The following LPP variants were observed in gnomAD, a reference collection of about 807,000 sequenced individuals.
The protein encoded by LPP is LIM domain containing preferred translocation partner in lipoma.
LPP carries 38 observed loss-of-function variants against 60.4 expected under a neutral mutation model. The ratio of observed to expected loss-of-function variants is 0.63; its 90% CI spans 0.49 to 0.83. LPP has a LOEUF of 0.83. LPP is among the 40% of genes least tolerant of loss of function. The pLI, the probability that LPP is intolerant of heterozygous loss-of-function variation, is 0.00. For synonymous variants in LPP, 328 were observed against 290.8 expected, an observed-to-expected ratio of 1.13 and a Z score of -1.30; for missense variants, 902 against 783.6, an observed-to-expected ratio of 1.15 and a Z score of -1.80.
At chr3:188,324,061 C>T (rs1231606248) in intron 2 of LPP, among the ~76,000 whole-genome samples, 3 of 152,108 alleles carry the variant, frequency 2.0e-5, no homozygotes, top group Non-Finnish European at 4.4e-5. Context: ...TTATCTATAA[C>T]TACAATAATT....
chr3:188,577,828 CCTT>C (rs1264108230), intron 6 of LPP, among the ~76,000 whole-genome samples: 2 of 39,624 alleles, frequency 5.0e-5, no homozygotes, highest in Non-Finnish European at 1.1e-4. Flanking sequence ...CCCTCCCCTT[CCTT>C]CTTCTTTCTT....
intron 2 of LPP, among the ~76,000 whole-genome samples, chr3:188,225,920 G>A (rs1239500537): frequency 6.6e-6 from 1 of 152,194 alleles, no homozygotes; most frequent in Non-Finnish European, 1.5e-5. Context: ...ACAGTGTTTG[G>A]GCATTTACAA....
intron 7 of LPP, among the ~76,000 whole-genome samples, chr3:188,624,769 C>CTT (rs10662277): frequency 0.057 from 5,895 of 103,562 alleles, 194 homozygotes; most frequent in East Asian, 0.19. Flanking sequence ...TCTCCTTCTC[C>CTT]TTCCTTCCTT....
chr3:188,566,186 C>G (rs768564701), intron 6 of LPP, among the ~76,000 whole-genome samples: 3 of 151,874 alleles, frequency 2.0e-5, no homozygotes, highest in Non-Finnish European at 4.4e-5. Flanking sequence ...TTCCCTTGCA[C>G]GATTACAAGA....
intron 4 of LPP, among the ~76,000 whole-genome samples, chr3:188,427,761 C>A (rs1386138595): frequency 6.6e-6 from 1 of 152,122 alleles, no homozygotes; most frequent in Non-Finnish European, 1.5e-5. Flanking sequence ...CGCCCCTCCC[C>A]CCACCAAGCT....
At position 188,874,231 on chromosome 3, in the gene LPP, G is replaced by A. The variant is rs192592770; in HGVS notation, c.1711-120G>A. On this transcript the variant is annotated intron_variant, in intron 11 of 11. Transcript: ENST00000617246. ...CAGGGGATTAGCAGAATGTAAAGCA[G>A]GAAGGATAGTAAGTGGCCACATTAT... 28 of 783,170 alleles carry A rather than the reference G, an allele frequency of 3.6e-5. No individual in the cohort carries two copies. The East Asian group carries it at 7.1e-4, about 20-fold the overall frequency. 48.5% of individuals were successfully genotyped at this position (783,170 alleles called of 1,614,324 possible).
At chr3:188,661,224 T>C (rs1854510903) in intron 7 of LPP, among the ~76,000 whole-genome samples, 1 of 152,228 alleles carries the variant, frequency 6.6e-6, no homozygotes, top group African/African-American at 2.4e-5. Flanking sequence ...CCACAGTTTA[T>C]TTATCCATTC....
intron 1 of LPP, chr3:188,180,528 T>TA (rs1430328120): frequency 5.8e-5 from 9 of 154,406 alleles, no homozygotes; most frequent in African/African-American, 2.2e-4. Flanking sequence ...AACCTGAACT[T>TA]ACTATGTGTG....
chr3:188,202,535 A>T (rs1304704916), intron 1 of LPP, among the ~76,000 whole-genome samples: 1 of 152,214 alleles, frequency 6.6e-6, no homozygotes, highest in Non-Finnish European at 1.5e-5. Context: ...TTGAGCTTTT[A>T]AAAAATTGCC....
intron 4 of LPP, among the ~76,000 whole-genome samples, chr3:188,466,484 ATCT>A (rs891467544): frequency 2.0e-5 from 3 of 151,956 alleles, no homozygotes; most frequent in African/African-American, 7.3e-5. Context: ...TAAAGCTTGT[ATCT>A]TCTTTATAAT....
chr3:188,426,375 T>G (rs1199911714), intron 4 of LPP, among the ~76,000 whole-genome samples: 1 of 152,214 alleles, frequency 6.6e-6, no homozygotes, highest in Non-Finnish European at 1.5e-5. Context: ...CTTCCAATTA[T>G]GTGGTCAATT....
At chr3:188,240,189 G>A (rs560204603) in intron 2 of LPP, 1 of 181,670 alleles carries the variant, frequency 5.5e-6, no homozygotes, top group African/African-American at 2.3e-5. Flanking sequence ...AATGATATCT[G>A]TGTGTTTCAT....
intron 7 of LPP, among the ~76,000 whole-genome samples, chr3:188,692,167 A>G (rs1862267127): frequency 6.6e-6 from 1 of 152,028 alleles, no homozygotes; most frequent in East Asian, 1.9e-4. Context: ...GTTGATCCTC[A>G]TTTTCTTCAG....
At chr3:188,391,573 A>ATCC (rs1167692215) in intron 3 of LPP, among the ~76,000 whole-genome samples, 1 of 152,126 alleles carries the variant, frequency 6.6e-6, no homozygotes, top group Non-Finnish European at 1.5e-5. Flanking sequence ...CACAGAAGTA[A>ATCC]TTAGATGGAC....
rs1342207321 is a variant in LPP, at chr3:188,495,082, A to ATATATATATATATATATATATATAT, written c.306+10379_306+10380insATATATATATATATATATATATATT. Among the ~76,000 whole-genome samples, 115 of 97,172 alleles carry ATATATATATATATATATATATATAT rather than the reference A, an allele frequency of 1.2e-3. 3 individuals are homozygous for ATATATATATATATATATATATATAT. Among genetic ancestry groups the ATATATATATATATATATATATATAT allele is most frequent in the South Asian group, 4.5e-3 (14 of 3,138 alleles). 63.7% of individuals were successfully genotyped at this position (97,172 alleles called of 152,430 possible). On this transcript the variant is annotated intron_variant, in intron 5 of 11. Coordinates refer to ENST00000617246, the MANE Select transcript of LPP (RefSeq NM_001375462.1). Reference sequence around the variant, plus strand: ...CAGGATTTTATATATATATATATATATTTTATTTATATTTTATTATATATT... The same window carrying ATATATATATATATATATATATATAT: ...CAGGATTTTATATATATATATATATATATATATATATATATATATATATATTTTTATTTATATTTTATTATATATT...
intron 8 of LPP, among the ~76,000 whole-genome samples, chr3:188,743,443 A>C (rs1045269069): frequency 6.6e-6 from 1 of 152,028 alleles, no homozygotes; most frequent in Non-Finnish European, 1.5e-5. Context: ...AAAGAGCAAA[A>C]GTGTACAGAC....
intron 6 of LPP, among the ~76,000 whole-genome samples, chr3:188,526,294 TC>T (rs976638669): frequency 3.9e-5 from 2 of 50,776 alleles, no homozygotes; most frequent in African/African-American, 1.4e-4. Flanking sequence ...TTCTTCTTCT[TC>T]TTTTTTTTTT....
intron 3 of LPP, among the ~76,000 whole-genome samples, chr3:188,395,217 G>T (rs574333807): frequency 1.3e-5 from 2 of 152,096 alleles, no homozygotes; most frequent in South Asian, 4.1e-4. Flanking sequence ...GAATAAAGTT[G>T]ATTTTTAAAA....
intron 9 of LPP, among the ~76,000 whole-genome samples, chr3:188,837,251 C>T (rs1001809270): frequency 8.6e-5 from 13 of 151,816 alleles, no homozygotes; most frequent in East Asian, 7.8e-4. Flanking sequence ...TGGTGGCTGG[C>T]GCCTGTGGTC....
Sources: allele counts gnomAD v4.1 joint callset (sites outside exome capture counted in the v4.1 genomes callset), GRCh38; gene constraint gnomAD v4.1.1; transcripts MANE v1.5; gene names NCBI Gene and HGNC (gene_info 2026-07-23, HGNC 2026-07-21).